Variants in SMAP1 observed in about 807,000 individuals in gnomAD.
SMAP1 encodes small ArfGAP 1.
Under a neutral mutation model 58.5 loss-of-function variants are expected in SMAP1, and 24 were observed. The observed-to-expected ratio is 0.41, with a 90% CI of 0.30 to 0.58. The LOEUF is 0.58. SMAP1 is among the 20% of genes least tolerant of loss of function. The pLI, the probability that SMAP1 is intolerant of heterozygous loss-of-function variation, is 0.29. For missense variants in SMAP1, 563 were observed against 566.3 expected, an observed-to-expected ratio of 0.99 and a Z score of 0.06; for synonymous variants, 216 against 196.6, an observed-to-expected ratio of 1.10 and a Z score of -0.82.
intron 7 of SMAP1, among the ~76,000 whole-genome samples, chr6:70,848,779 A>G (rs753270308): frequency 3.3e-5 from 5 of 152,236 alleles, no homozygotes; most frequent in Non-Finnish European, 7.3e-5. Context: ...TAAAAACACA[A>G]TGACCTTCAA....
chr6:70,675,037 A>G (rs953313639), intron 1 of SMAP1, among the ~76,000 whole-genome samples: 17 of 152,116 alleles, frequency 1.1e-4, no homozygotes, highest in Middle Eastern at 3.4e-3. Flanking sequence ...TAGAGATCTC[A>G]GTAGACATGA....
chr6:70,786,814 TG>T (rs1265320931), intron 4 of SMAP1, among the ~76,000 whole-genome samples: 3 of 151,752 alleles, frequency 2.0e-5, no homozygotes, highest in Non-Finnish European at 4.4e-5. Flanking sequence ...AGGACACAAA[TG>T]GAAGAACATT....
intron 4 of SMAP1, among the ~76,000 whole-genome samples, chr6:70,780,364 C>T (rs1195890978): frequency 1.3e-5 from 2 of 152,082 alleles, no homozygotes; most frequent in African/African-American, 4.8e-5. Context: ...TCGCTTGAGT[C>T]CAGGAGTTTG....
rs199963743 is a variant in SMAP1, at chr6:70,855,974, A to G, written c.790-885A>G. ...AAGTACAATGTTTGGATGGTAACTT[A>G]TTGCATGGTGTTCTAGGAGGACATT... On this transcript the variant is annotated intron_variant, in intron 8 of 10. Transcript: ENST00000370455. Among the ~76,000 whole-genome samples the G allele has an allele frequency of 2.6e-5, 4 of 152,242 alleles. No homozygotes were observed. The East Asian group carries it at 5.8e-4, about 22-fold the overall frequency.
rs139305522 is a variant in SMAP1, at chr6:70,701,425, C to T, written c.119-30953C>T. 4.1e-3 allele frequency among the ~76,000 whole-genome samples: 630 copies of T among 152,288 alleles called. 2 individuals are homozygous for T. The highest frequency in any genetic ancestry group is 7.1e-3 in the Non-Finnish European group (482 of 68,028). ...ACTGGCTGCAAGCCCAGCACAGCACCGGGACTTGCCTAGGGATTGCAGTCC... is the reference window on the plus strand; with the variant it reads ...ACTGGCTGCAAGCCCAGCACAGCACTGGGACTTGCCTAGGGATTGCAGTCC... On this transcript the variant is annotated intron_variant, in intron 1 of 10. Coordinates refer to ENST00000370455, the MANE Select transcript of SMAP1 (RefSeq NM_001044305.3).
intron 4 of SMAP1, among the ~76,000 whole-genome samples, chr6:70,779,479 G>T (rs1305685174): frequency 1.3e-5 from 2 of 152,108 alleles, no homozygotes; most frequent in Non-Finnish European, 2.9e-5. Flanking sequence ...CCTTATACTA[G>T]ACTCAGGGCC....
At chr6:70,735,884 T>C (rs767643008) in intron 2 of SMAP1, among the ~76,000 whole-genome samples, 1 of 152,260 alleles carries the variant, frequency 6.6e-6, no homozygotes, top group Non-Finnish European at 1.5e-5. Flanking sequence ...ATTGTGTTTC[T>C]AATTTTCAAA....
chr6:70,688,275 G>C (rs766404094), intron 1 of SMAP1, among the ~76,000 whole-genome samples: 1 of 152,072 alleles, frequency 6.6e-6, no homozygotes, highest in African/African-American at 2.4e-5. Flanking sequence ...TTTTTGTATA[G>C]ATTTTTGTGT....
chr6:70,831,222 G>T (rs1400118393), intron 6 of SMAP1, among the ~76,000 whole-genome samples: 2 of 152,054 alleles, frequency 1.3e-5, no homozygotes, highest in African/African-American at 4.8e-5. Context: ...CCTAGCAGTG[G>T]TCATGATATA....
At chr6:70,673,729 T>C (rs1766361984) in intron 1 of SMAP1, among the ~76,000 whole-genome samples, 1 of 152,244 alleles carries the variant, frequency 6.6e-6, no homozygotes, top group South Asian at 2.1e-4. Context: ...TTCAGTCTGA[T>C]GGGTCTGTTG....
chr6:70,815,226 G>A (rs1769567244), intron 6 of SMAP1, among the ~76,000 whole-genome samples: 1 of 151,988 alleles, frequency 6.6e-6, no homozygotes, highest in South Asian at 2.1e-4. Context: ...AAAATGTTAA[G>A]GTAGAATACC....
intron 1 of SMAP1, among the ~76,000 whole-genome samples, chr6:70,724,255 G>A (rs1458193703): frequency 6.6e-6 from 1 of 151,430 alleles, no homozygotes; most frequent in Non-Finnish European, 1.5e-5. Context: ...GGAGTGCAGT[G>A]TTGTGATCTT....
intron 1 of SMAP1, among the ~76,000 whole-genome samples, chr6:70,696,427 GT>G (rs1164214914): frequency 1.3e-5 from 2 of 151,942 alleles, no homozygotes; most frequent in East Asian, 3.8e-4. Flanking sequence ...TATCCTACAG[GT>G]TTTGGTATGT....
chr6:70,784,180 G>T (rs9446296), intron 4 of SMAP1, among the ~76,000 whole-genome samples: 1 of 152,170 alleles, frequency 6.6e-6, no homozygotes, highest in Non-Finnish European at 1.5e-5. Context: ...TTTCAAGCCA[G>T]AATTTCATAT....
chr6:70,736,876 TC>T (rs1239462765), intron 2 of SMAP1, among the ~76,000 whole-genome samples: 1 of 152,240 alleles, frequency 6.6e-6, no homozygotes, highest in Admixed American at 6.5e-5. Context: ...AGAGTAATTT[TC>T]CTAGAACATT....
chr6:70,669,049 G>A (rs1339368566), intron 1 of SMAP1, among the ~76,000 whole-genome samples: 1 of 152,036 alleles, frequency 6.6e-6, no homozygotes, highest in Non-Finnish European at 1.5e-5. Flanking sequence ...TAGCTGCTAT[G>A]TTTTGTGTTT....
intron 6 of SMAP1, among the ~76,000 whole-genome samples, chr6:70,827,535 T>G (rs1009258867): frequency 6.6e-6 from 1 of 152,228 alleles, no homozygotes; most frequent in African/African-American, 2.4e-5. Context: ...GGGTAGATGT[T>G]ACAAATTGTC....
intron 5 of SMAP1, among the ~76,000 whole-genome samples, chr6:70,797,562 GT>G (rs1275269269): frequency 3.9e-5 from 6 of 151,926 alleles, no homozygotes; most frequent in Admixed American, 3.9e-4. Flanking sequence ...ATTTTTGCCT[GT>G]TTTTGAACTT....
chr6:70,828,409 A>G (rs1770225800), intron 6 of SMAP1, among the ~76,000 whole-genome samples: 1 of 152,230 alleles, frequency 6.6e-6, no homozygotes. Flanking sequence ...GTAACTTGTT[A>G]GAAAATGTAT....
Sources: gnomAD v4.1 joint callset for allele counts (sites outside exome capture counted in the v4.1 genomes callset) on GRCh38, gnomAD v4.1.1 for gene constraint, MANE v1.5 for transcripts, NCBI Gene and HGNC (gene_info 2026-07-23, HGNC 2026-07-21) for gene names.